LRP5: variants seen among roughly 807,000 people sequenced by gnomAD.
LRP5 encodes the protein low-density lipoprotein receptor-related protein 5.
LRP5 carries 62 observed loss-of-function variants against 154.1 expected under a neutral mutation model. The observed-to-expected ratio is 0.40, with a 90% CI of 0.33 to 0.50. The LOEUF is 0.50. Ranked by LOEUF, LRP5 falls within the 20% of genes least tolerant of loss-of-function variation. The pLI is 0.55. For synonymous variants in LRP5, 966 were observed against 1,011.5 expected, an observed-to-expected ratio of 0.96 and a Z score of 0.85; for missense variants, 1,915 against 2,336.7, an observed-to-expected ratio of 0.82 and a Z score of 3.72.
intron 21 of LRP5, among the ~76,000 whole-genome samples, chr11:68,440,859 C>T (rs1218808804): frequency 6.6e-6 from 1 of 152,072 alleles, no homozygotes; most frequent in Non-Finnish European, 1.5e-5. Context: ...ACCTCTGCCT[C>T]CCAGGTTCAA....
intron 1 of LRP5, among the ~76,000 whole-genome samples, chr11:68,319,791 G>A (rs534269492): frequency 3.3e-5 from 5 of 152,282 alleles, no homozygotes; most frequent in East Asian, 1.9e-4. Context: ...ATGCTTGCTC[G>A]TGTGTCTCTG....
intron 7 of LRP5, among the ~76,000 whole-genome samples, chr11:68,393,322 G>T (rs1448958905): frequency 6.6e-6 from 1 of 152,140 alleles, no homozygotes; most frequent in Non-Finnish European, 1.5e-5. Context: ...GAATTATTTG[G>T]ATATATGTGT....
upstream of LRP5, among the ~76,000 whole-genome samples, chr11:68,310,531 A>G (rs1252523129): frequency 6.6e-6 from 1 of 152,044 alleles, no homozygotes; most frequent in East Asian, 1.9e-4. Context: ...GAGGCAGGAG[A>G]ATTGCTTGAG....
intron 2 of LRP5, among the ~76,000 whole-genome samples, chr11:68,352,758 G>T (rs1157255415): frequency 1.3e-5 from 2 of 149,918 alleles, no homozygotes; most frequent in African/African-American, 5.0e-5. Context: ...TCTGCACTTG[G>T]TTGGGAGGTG....
chr11:68,414,053 G>T, intron 12 of LRP5, 41 bp downstream of exon 12: 1 of 1,568,556 alleles, frequency 6.4e-7, no homozygotes, highest in African/African-American at 1.3e-5. Flanking sequence ...TCCCTCGTTA[G>T]ATCAGGCTGG....
At chr11:68,302,045 G>A in the LRP5 span, among the ~76,000 whole-genome samples, 1 of 151,780 alleles carries the variant, frequency 6.6e-6, no homozygotes, top group Non-Finnish European at 1.5e-5. Flanking sequence ...GCATTGATGT[G>A]CTGAGGCATG....
At chr11:68,407,433 A>G (rs977253289) in intron 9 of LRP5, among the ~76,000 whole-genome samples, 8 of 150,126 alleles carry the variant, frequency 5.3e-5, no homozygotes, top group African/African-American at 1.7e-4. Context: ...CGGCCTCCCA[A>G]AGTGCTGAGA....
chr11:68,330,629 A>G (rs2098602218), intron 1 of LRP5, among the ~76,000 whole-genome samples: 3 of 152,280 alleles, frequency 2.0e-5, no homozygotes, highest in African/African-American at 7.2e-5. Flanking sequence ...ATGAAGCCGT[A>G]TCACAGAGAC....
chr11:68,396,730 G>GC (rs2098649600), intron 7 of LRP5, among the ~76,000 whole-genome samples: 1 of 130 alleles, frequency 7.7e-3, no homozygotes, highest in Non-Finnish European at 0.036. Context: ...GACACACACA[G>GC]GGTTTTAGCC....
chr11:68,425,393 C>A, intron 15 of LRP5, 101 bp downstream of exon 15: 1 of 1,239,796 alleles, frequency 8.1e-7, no homozygotes. Context: ...GAGCCCAGTG[C>A]CGCGCCAGGG....
chr11:68,434,186 C>T (rs1461803628), intron 18 of LRP5, among the ~76,000 whole-genome samples: 2 of 152,190 alleles, frequency 1.3e-5, no homozygotes, highest in Admixed American at 6.5e-5. Context: ...CTCCACTGAC[C>T]AGTCTGTGGG....
intron 16 of LRP5, among the ~76,000 whole-genome samples, chr11:68,427,422 A>T (rs987321969): frequency 6.6e-6 from 1 of 152,136 alleles, no homozygotes; most frequent in Admixed American, 6.5e-5. Flanking sequence ...GCTCATGCCT[A>T]TAATCCCAGC....
intron 3 of LRP5, among the ~76,000 whole-genome samples, chr11:68,358,536 T>C (rs1205047889): frequency 1.3e-5 from 2 of 152,244 alleles, no homozygotes; most frequent in East Asian, 3.9e-4. Context: ...AGTAACCCTG[T>C]CACACGCACC....
chr11:68,320,762 G>A (rs529634267), intron 1 of LRP5, among the ~76,000 whole-genome samples: 2 of 152,210 alleles, frequency 1.3e-5, no homozygotes, highest in Middle Eastern at 3.4e-3. Context: ...GTGCCAGCCT[G>A]TTTATCTTTT....
At chr11:68,443,566 TATATATATATATATA>T (rs2098679570) in intron 21 of LRP5, among the ~76,000 whole-genome samples, 2 of 41,032 alleles carry the variant, frequency 4.9e-5, no homozygotes, top group African/African-American at 2.4e-4. Context: ...TATATATATA[TATATATATATATATA>T]TATATTTTTT....
chr11:68,323,783 C>G, intron 1 of LRP5, among the ~76,000 whole-genome samples: 1 of 152,156 alleles, frequency 6.6e-6, no homozygotes, highest in East Asian at 1.9e-4. Context: ...AATGCGTTCT[C>G]AAGAATTTGA....
intron 3 of LRP5, among the ~76,000 whole-genome samples, chr11:68,358,714 T>C (rs2098625287): frequency 6.6e-6 from 1 of 152,232 alleles, no homozygotes; most frequent in Non-Finnish European, 1.5e-5. Flanking sequence ...GTTGGTTAAT[T>C]GCTTTTAGAG....
chr11:68,343,779 C>G lies in LRP5; in HGVS notation c.92-4068C>G, dbSNP rs577109314. 4.6e-5 allele frequency among the ~76,000 whole-genome samples: 7 copies of G among 152,322 alleles called. No homozygotes were observed. In the East Asian group the frequency reaches 1.4e-3, roughly 29 times the overall value. On this transcript the variant is annotated intron_variant, in intron 1 of 22. Transcript: ENST00000294304. ...CTTCCGTCTCGGAAGGCCCCAGGAG[C>G]TCCTGCATCCTGGGCGTGATTCCTG... is the stretch of plus-strand genomic sequence containing the variant.
intron 10 of LRP5, among the ~76,000 whole-genome samples, chr11:68,410,778 T>C (rs1368573459): frequency 2.0e-5 from 3 of 152,122 alleles, no homozygotes; most frequent in Non-Finnish European, 2.9e-5. Context: ...TTCTGTGTGG[T>C]GGACACAGTG....
Sources: allele counts gnomAD v4.1 joint callset (sites outside exome capture counted in the v4.1 genomes callset), GRCh38; gene constraint gnomAD v4.1.1; transcripts MANE v1.5; gene names NCBI Gene and HGNC (gene_info 2026-07-23, HGNC 2026-07-21).